ANO1: variants seen among roughly 807,000 people sequenced by gnomAD.
ANO1 encodes the protein anoctamin 1.
In ANO1, 59 loss-of-function variants were observed where a neutral mutation model predicts 124.0. The observed-to-expected ratio is 0.48, with a 90% confidence interval of 0.39 to 0.59. The LOEUF is 0.59. Ranked by LOEUF, ANO1 falls within the 20% of genes least tolerant of loss-of-function variation. ANO1 has a pLI of 0.00. For missense variants in ANO1, 1,059 were observed against 1,328.0 expected (o/e 0.80, Z 3.15); for synonymous variants, 529 against 532.0 (o/e 0.99, Z 0.08).
At chr11:70,127,716 G>C (rs1440249141) in intron 10 of ANO1, among the ~76,000 whole-genome samples, 1 of 152,228 alleles carries the variant, frequency 6.6e-6, no homozygotes, top group Admixed American at 6.5e-5. Context: ...AAAGAGTCAA[G>C]TTTTGAGAAG....
At chr11:70,162,224 G>A (rs759825481) in intron 18 of ANO1, among the ~76,000 whole-genome samples, 12 of 149,586 alleles carry the variant, frequency 8.0e-5, no homozygotes, top group Non-Finnish European at 1.6e-4. Context: ...GGGACCCCAG[G>A]CAGTGAGGAC....
intron 1 of ANO1, among the ~76,000 whole-genome samples, chr11:70,065,537 A>G (rs1411015125): frequency 6.6e-6 from 1 of 151,976 alleles, no homozygotes; most frequent in Non-Finnish European, 1.5e-5. Flanking sequence ...AAGGCCCTGC[A>G]GGCCTGGCCT....
chr11:70,028,657 C>G (rs1856950898), intron 1 of ANO1, among the ~76,000 whole-genome samples: 1 of 152,176 alleles, frequency 6.6e-6, no homozygotes, highest in African/African-American at 2.4e-5. Context: ...CTAATAGGGC[C>G]TCCTTCCTCC....
intron 1 of ANO1, among the ~76,000 whole-genome samples, chr11:70,032,219 C>T (rs1043726855): frequency 4.6e-5 from 7 of 152,156 alleles, no homozygotes; most frequent in Non-Finnish European, 5.9e-5. Flanking sequence ...AGCATGACCC[C>T]AGATTAGGTC....
At chr11:70,052,571 A>ATTTTTTT (rs1555006388) in intron 1 of ANO1, among the ~76,000 whole-genome samples, 1 of 26,946 alleles carries the variant, frequency 3.7e-5, no homozygotes, top group African/African-American at 1.5e-4. Flanking sequence ...TTTTTTTTTG[A>ATTTTTTT]GACAGGGTTT....
At chr11:69,972,588 G>A in the ANO1 span, among the ~76,000 whole-genome samples, 1 of 152,142 alleles carries the variant, frequency 6.6e-6, no homozygotes, top group African/African-American at 2.4e-5. Flanking sequence ...TGACCCACTG[G>A]GTTTTGTTGT....
At chr11:70,049,615 A>G (rs1308028144) in intron 1 of ANO1, among the ~76,000 whole-genome samples, 2 of 152,226 alleles carry the variant, frequency 1.3e-5, no homozygotes, top group Admixed American at 6.5e-5. Context: ...TAACTATTCC[A>G]GGAAGTGAGT....
At chr11:70,175,632 G>T (rs984968246) in intron 22 of ANO1, among the ~76,000 whole-genome samples, 16 of 152,216 alleles carry the variant, frequency 1.1e-4, no homozygotes, top group African/African-American at 3.4e-4. Context: ...GAGCCTGCTG[G>T]TGGGAAAGTG....
intron 11 of ANO1, among the ~76,000 whole-genome samples, chr11:70,140,922 G>A (rs2047131933): frequency 6.6e-6 from 1 of 152,168 alleles, no homozygotes. Flanking sequence ...AGCCCGGCAA[G>A]CCCCGGCCTC....
At chr11:69,985,444 G>C (rs1354639797), upstream of ANO1, among the ~76,000 whole-genome samples, 3 of 152,150 alleles carry the variant, frequency 2.0e-5, no homozygotes, top group East Asian at 1.9e-4. Context: ...CAGCCTCCTC[G>C]TGTGACAAAT....
chr11:70,079,088 C>G lies in ANO1; in HGVS notation c.108+374C>G, dbSNP rs189730247. Reference sequence around the variant, plus strand: ...TGGATGGGACCTTCCCTTCCTGGCTCGCGGCCAGGGGTACCTGTTGGGGCA... The same window carrying G: ...TGGATGGGACCTTCCCTTCCTGGCTGGCGGCCAGGGGTACCTGTTGGGGCA... On this transcript the variant is annotated intron_variant, in intron 1 of 25. Coordinates refer to ENST00000355303, the MANE Select transcript of ANO1 (RefSeq NM_018043.7). 2.7e-3 allele frequency among the ~76,000 whole-genome samples: 406 copies of G among 152,184 alleles called. 1 individual carries two copies. Among genetic ancestry groups the G allele is most frequent in the African/African-American group, 9.2e-3 (381 of 41,552 alleles).
Position 70,187,946 on chromosome 11 carries a change from G to T in ANO1, c.2903G>T (p.Cys968Phe). Residue 968 changes from cysteine to phenylalanine, a missense_variant, in exon 26 of 26, where the codon TGC (cysteine) becomes TTC (phenylalanine). Physicochemically the swap from Cys to Phe is radical, Grantham distance 205 (BLOSUM62 -2). This residue lies in a region of ANO1 where 809 missense variants were observed against 1,094.9 expected (regional missense o/e 0.74). Transcript: ENST00000355303. Reference sequence around the variant, plus strand: ...TGCAACCACCACAACACCAAAGCCTGCCCAGACAGCCTCGGCAGCCCAGCC... The same window carrying T: ...TGCAACCACCACAACACCAAAGCCTTCCCAGACAGCCTCGGCAGCCCAGCC... ...PPCNHHNTKA[C>F]PDSLGSPAPS... 4 of 1,578,740 alleles carry T rather than the reference G, an allele frequency of 2.5e-6. No homozygotes were observed. Among genetic ancestry groups the T allele is most frequent in the South Asian group, 1.2e-5 (1 of 86,322 alleles).
At chr11:70,010,576 T>C (rs1227445159) in intron 1 of ANO1, among the ~76,000 whole-genome samples, 1 of 152,098 alleles carries the variant, frequency 6.6e-6, no homozygotes, top group African/African-American at 2.4e-5. Context: ...CCTAGGCAGA[T>C]GAGGGGCTCA....
chr11:70,171,922 C>T (rs1052920917), intron 22 of ANO1, among the ~76,000 whole-genome samples: 2 of 152,022 alleles, frequency 1.3e-5, no homozygotes, highest in African/African-American at 4.8e-5. Context: ...GAGCCATGCC[C>T]ATGCCTGGGC....
At chr11:70,000,405 T>A (rs1554999058) in intron 1 of ANO1, among the ~76,000 whole-genome samples, 1 of 152,058 alleles carries the variant, frequency 6.6e-6, no homozygotes, top group Non-Finnish European at 1.5e-5. Flanking sequence ...CTGATAAGCA[T>A]AAGAAAAGGC....
intron 1 of ANO1, among the ~76,000 whole-genome samples, chr11:69,989,335 C>A (rs1554997198): frequency 1.3e-5 from 2 of 152,138 alleles, no homozygotes; most frequent in African/African-American, 4.8e-5. Flanking sequence ...AGCTATTGAG[C>A]ACCTACTCTG....
At chr11:70,006,358 T>A (rs781847870) in intron 1 of ANO1, among the ~76,000 whole-genome samples, 2 of 152,124 alleles carry the variant, frequency 1.3e-5, no homozygotes, top group East Asian at 1.9e-4. Context: ...CTCTTCCTTA[T>A]CTGAACTTGA....
intron 16 of ANO1, among the ~76,000 whole-genome samples, chr11:70,158,982 C>G (rs1263772448): frequency 6.6e-6 from 1 of 152,112 alleles, no homozygotes; most frequent in African/African-American, 2.4e-5. Flanking sequence ...CTCCCCATCC[C>G]TCACCCAGGG....
intron 1 of ANO1, among the ~76,000 whole-genome samples, chr11:70,080,051 G>A (rs1022881076): frequency 6.6e-6 from 1 of 152,258 alleles, no homozygotes; most frequent in Non-Finnish European, 1.5e-5. Flanking sequence ...CTGGCCCCTG[G>A]GCACCCTCAA....
Sources: allele counts gnomAD v4.1 joint callset (sites outside exome capture counted in the v4.1 genomes callset), GRCh38; gene constraint gnomAD v4.1.1; regional missense constraint gnomAD v4.1.1; transcripts MANE v1.5; gene names NCBI Gene and HGNC (gene_info 2026-07-23, HGNC 2026-07-21).